The following VEPH1 variants were observed in gnomAD, a reference collection of about 807,000 sequenced individuals.
VEPH1 encodes the protein ventricular zone expressed PH domain containing 1.
A neutral mutation model predicts 85.2 loss-of-function variants in VEPH1; 80 were observed. The observed-to-expected ratio is 0.94, with a 90% CI of 0.78 to 1.13. The LOEUF is 1.13. Ranked by LOEUF, VEPH1 falls within the 50% of genes most tolerant of loss-of-function variation. VEPH1 has a pLI of 0.00. For synonymous variants in VEPH1, 297 were observed against 348.0 expected, an observed-to-expected ratio of 0.85 and a Z score of 1.63; for missense variants, 955 against 980.5, an observed-to-expected ratio of 0.97 and a Z score of 0.35.
intron 2 of VEPH1, among the ~76,000 whole-genome samples, chr3:157,491,606 T>C (rs1739216458): frequency 2.0e-5 from 3 of 152,278 alleles, no homozygotes; most frequent in African/African-American, 7.2e-5. Context: ...TTAATTATTT[T>C]TGTGAGTGGC....
At chr3:157,350,480 T>C (rs1230049551) in intron 9 of VEPH1, among the ~76,000 whole-genome samples, 1 of 152,106 alleles carries the variant, frequency 6.6e-6, no homozygotes, top group Non-Finnish European at 1.5e-5. Context: ...TGAATAAGAC[T>C]TCTAAAGCAC....
In VEPH1 at chr3:157,373,321, G is replaced by T. The variant is rs7647785; in HGVS notation, c.1127+7835C>A. Among the ~76,000 whole-genome samples the T allele has an allele frequency of 9.9e-3, 1,508 of 152,272 alleles. 23 individuals carry two copies. Among genetic ancestry groups the T allele is most frequent in the African/African-American group, 0.035 (1,452 of 41,558 alleles). On this transcript the variant is annotated intron_variant, in intron 7 of 13. Transcript: ENST00000362010. ...TGATATAGCACGGTAACCAAGAAGA[G>T]TTATTACAATCTGATATCTCTGAAT...
intron 2 of VEPH1, among the ~76,000 whole-genome samples, chr3:157,486,169 T>A (rs1738621849): frequency 6.6e-6 from 1 of 152,088 alleles, no homozygotes; most frequent in South Asian, 2.1e-4. Flanking sequence ...AATTAGAGAA[T>A]ACACATTCCT....
intron 11 of VEPH1, among the ~76,000 whole-genome samples, chr3:157,288,583 T>C (rs906088583): frequency 6.6e-6 from 1 of 152,148 alleles, no homozygotes; most frequent in African/African-American, 2.4e-5. Flanking sequence ...AGCACAAAGT[T>C]TTTTACTAAC....
At chr3:157,360,278 T>C (rs1173220894) in intron 9 of VEPH1, among the ~76,000 whole-genome samples, 2 of 152,146 alleles carry the variant, frequency 1.3e-5, no homozygotes, top group Non-Finnish European at 2.9e-5. Context: ...CAGTGAATCA[T>C]ACAAATTTTT....
Position 157,381,271 on chromosome 3 carries a change from A to ACCG in VEPH1, c.1011_1012insCGG (p.Thr337_Phe338insArg). 1 of 1,612,482 alleles carries ACCG rather than the reference A, an allele frequency of 6.2e-7. No homozygotes were observed. Among genetic ancestry groups the ACCG allele is most frequent in the Non-Finnish European group, 8.5e-7 (1 of 1,178,680 alleles). On this transcript the variant is annotated inframe_insertion, in exon 7 of 14. Coordinates refer to ENST00000362010, the MANE Select transcript of VEPH1 (RefSeq NM_001167912.2). The stretch of plus-strand genomic sequence containing the variant: ...CTCTGAGGGCCCAAGATTGAGGAGA[A>ACCG]GGTGTCGGTGATGCTTTTAATCTCC...
At position 157,271,060 on chromosome 3, in the gene VEPH1, C is replaced by T. The variant is rs117179208; in HGVS notation, c.2129-5398G>A. Among the ~76,000 whole-genome samples, 416 of 152,106 alleles carry T rather than the reference C, an allele frequency of 2.7e-3. 5 individuals are homozygous for T. In the East Asian group the frequency reaches 0.043, roughly 16 times the overall value. On this transcript the variant is annotated intron_variant, in intron 12 of 13. Coordinates refer to ENST00000362010, the MANE Select transcript of VEPH1 (RefSeq NM_001167912.2). ...AACACACAAAAGAACCTGAAGAAGCCGGAAGAATCAGCAAACTCAGAAACA... is the reference window on the plus strand; with the variant it reads ...AACACACAAAAGAACCTGAAGAAGCTGGAAGAATCAGCAAACTCAGAAACA...
At chr3:157,490,769 T>C (rs1739148853) in intron 2 of VEPH1, among the ~76,000 whole-genome samples, 1 of 152,226 alleles carries the variant, frequency 6.6e-6, no homozygotes, top group Non-Finnish European at 1.5e-5. Flanking sequence ...CTTTTAATTG[T>C]GTACTTTAGA....
chr3:157,338,721 T>C (rs1482323357), intron 9 of VEPH1, among the ~76,000 whole-genome samples: 1 of 152,250 alleles, frequency 6.6e-6, no homozygotes, highest in East Asian at 1.9e-4. Context: ...TAATAAGGGC[T>C]GTCACCCTAA....
At chr3:157,261,836 T>A (rs1356102239) in intron 13 of VEPH1, among the ~76,000 whole-genome samples, 1 of 152,126 alleles carries the variant, frequency 6.6e-6, no homozygotes, top group Non-Finnish European at 1.5e-5. Flanking sequence ...TTTTTGAAAC[T>A]CTCTGCAGCT....
chr3:157,412,051 CCT>C (rs1370114785), intron 6 of VEPH1, among the ~76,000 whole-genome samples: 3 of 152,096 alleles, frequency 2.0e-5, no homozygotes, highest in Non-Finnish European at 4.4e-5. Context: ...GCACCTCACC[CCT>C]CTCTCTTCCT....
chr3:157,421,764 G>A (rs1259780379), intron 5 of VEPH1, among the ~76,000 whole-genome samples: 2 of 152,152 alleles, frequency 1.3e-5, no homozygotes, highest in East Asian at 1.9e-4. Flanking sequence ...AGGGAGGCAA[G>A]TGGAGAGGCT....
intron 10 of VEPH1, among the ~76,000 whole-genome samples, chr3:157,313,958 A>C (rs901655116): frequency 6.6e-6 from 1 of 152,088 alleles, no homozygotes; most frequent in African/African-American, 2.4e-5. Context: ...GCACTTTGGG[A>C]TACTGAGGCG....
chr3:157,286,457 G>T, intron 12 of VEPH1, 100 bp downstream of exon 12: 1 of 863,910 alleles, frequency 1.2e-6, no homozygotes, highest in Non-Finnish European at 1.9e-6. Flanking sequence ...TACAACTGGG[G>T]ATGTTTATGC....
At chr3:157,428,220 T>G in intron 5 of VEPH1, 102 bp downstream of exon 5, 1 of 1,287,708 alleles carries the variant, frequency 7.8e-7, no homozygotes, top group Non-Finnish European at 1.0e-6. Flanking sequence ...AAATGGGCAT[T>G]TGTAAATGTA....
intron 11 of VEPH1, among the ~76,000 whole-genome samples, chr3:157,292,176 C>G (rs1717555344): frequency 6.6e-6 from 1 of 152,164 alleles, no homozygotes; most frequent in Non-Finnish European, 1.5e-5. Flanking sequence ...AACAATCTTT[C>G]CACCTCAGCC....
At chr3:157,459,761 C>T (rs1735664147) in intron 4 of VEPH1, 2 of 1,446,408 alleles carry the variant, frequency 1.4e-6, no homozygotes, top group African/African-American at 1.4e-5. Flanking sequence ...TACACATTTT[C>T]TGATGTATTT....
chr3:157,275,859 T>C (rs1254794284), intron 12 of VEPH1, among the ~76,000 whole-genome samples: 1 of 151,930 alleles, frequency 6.6e-6, no homozygotes, highest in Non-Finnish European at 1.5e-5. Flanking sequence ...GATTTTTTTT[T>C]CTTTGGTGTG....
intron 4 of VEPH1, among the ~76,000 whole-genome samples, chr3:157,453,950 C>A (rs1215807232): frequency 6.6e-6 from 1 of 152,142 alleles, no homozygotes; most frequent in Non-Finnish European, 1.5e-5. Context: ...CAAATGCTTG[C>A]AGTGAATTTA....
Sources: allele counts gnomAD v4.1 joint callset (sites outside exome capture counted in the v4.1 genomes callset), GRCh38; gene constraint gnomAD v4.1.1; transcripts MANE v1.5; gene names NCBI Gene and HGNC (gene_info 2026-07-23, HGNC 2026-07-21).